Variants in EDEM3 observed in about 807,000 individuals in gnomAD.
EDEM3 encodes the protein ER degradation-enhancing alpha-mannosidase-like protein 3.
In EDEM3, 60 loss-of-function variants were observed where a neutral mutation model predicts 110.2. The observed-to-expected ratio is 0.54, with a 90% CI of 0.44 to 0.67. EDEM3 has a LOEUF of 0.67. EDEM3 is among the 30% of genes least tolerant of loss of function. The probability of loss-of-function intolerance (pLI) is 0.00; values close to 1 mark genes in which losing one functional copy is unlikely to be tolerated. For synonymous variants in EDEM3, 352 were observed against 382.9 expected, an observed-to-expected ratio of 0.92 and a Z score of 0.94; for missense variants, 996 against 1,121.0, an observed-to-expected ratio of 0.89 and a Z score of 1.59.
intron 19 of EDEM3, among the ~76,000 whole-genome samples, chr1:184,697,391 T>C (rs1185576736): frequency 6.6e-6 from 1 of 151,908 alleles, no homozygotes; most frequent in Non-Finnish European, 1.5e-5. Context: ...AAAGTTTCTA[T>C]GGAACAGCAT....
At position 184,739,141 on chromosome 1, in the gene EDEM3, G is replaced by A. The variant is rs551580154; in HGVS notation, c.205-1430C>T. Among the ~76,000 whole-genome samples the A allele has an allele frequency of 6.0e-5, 9 of 151,062 alleles. No homozygotes were observed. The East Asian group carries it at 9.7e-4, about 16-fold the overall frequency. On this transcript the variant is annotated intron_variant, in intron 2 of 19. Transcript: ENST00000318130. ...TGGGTTCATTAGTTCTAAACTTTTT[G>A]CGAACACATTTCTGTAGTATTTATT...
At chr1:184,725,429 G>C (rs2102096557) in intron 7 of EDEM3, among the ~76,000 whole-genome samples, 1 of 152,162 alleles carries the variant, frequency 6.6e-6, no homozygotes, top group Admixed American at 6.5e-5. Flanking sequence ...AAATATTAGT[G>C]AACAAGATAT....
intron 17 of EDEM3, 80 bp downstream of exon 17, chr1:184,708,073 A>G: frequency 7.9e-7 from 1 of 1,258,176 alleles, no homozygotes; most frequent in Non-Finnish European, 1.1e-6. Context: ...AAACTACTAA[A>G]TTAGAGAAGA....
At chr1:184,754,430 G>A (rs1383630254) in intron 1 of EDEM3, 59 bp downstream of exon 1, 29 of 1,603,120 alleles carry the variant, frequency 1.8e-5, no homozygotes, top group Non-Finnish European at 2.5e-5. Flanking sequence ...GCAATGACAG[G>A]CACCCCTCCT....
intron 11 of EDEM3, 48 bp downstream of exon 11, chr1:184,719,114 G>A (rs775238550): frequency 3.8e-6 from 4 of 1,047,724 alleles, no homozygotes; most frequent in Non-Finnish European, 5.6e-6. Flanking sequence ...GTGTGTGTGT[G>A]TGTGTGTTTG....
intron 16 of EDEM3, among the ~76,000 whole-genome samples, chr1:184,709,795 G>A (rs1343526738): frequency 6.6e-6 from 1 of 152,158 alleles, no homozygotes; most frequent in African/African-American, 2.4e-5. Flanking sequence ...GAGATTAAAG[G>A]ATACCTGAAT....
chr1:184,730,104 C>T (rs891673592), intron 6 of EDEM3, among the ~76,000 whole-genome samples: 6 of 152,012 alleles, frequency 3.9e-5, no homozygotes, highest in Non-Finnish European at 5.9e-5. Context: ...TATACAGTAA[C>T]GGTTAAATGA....
At chr1:184,715,949 G>T (rs116707808) in intron 13 of EDEM3, among the ~76,000 whole-genome samples, 17 of 152,246 alleles carry the variant, frequency 1.1e-4, no homozygotes, top group African/African-American at 3.9e-4. Flanking sequence ...ATGGGTAGAT[G>T]ATGAGTGCTG....
chr1:184,697,581 A>G (rs1235651429), intron 19 of EDEM3, among the ~76,000 whole-genome samples: 1 of 151,896 alleles, frequency 6.6e-6, no homozygotes, highest in Non-Finnish European at 1.5e-5. Context: ...ATATATAGCA[A>G]AGATGGTAGT....
chr1:184,736,641 C>T (rs1265899837), intron 4 of EDEM3, among the ~76,000 whole-genome samples: 1 of 152,016 alleles, frequency 6.6e-6, no homozygotes, highest in East Asian at 1.9e-4. Flanking sequence ...TGCTTATGAA[C>T]ACAGCAATAT....
chr1:184,737,754 A>C (rs1004096490), intron 2 of EDEM3, 43 bp from the exon 3 acceptor site: 2 of 1,521,204 alleles, frequency 1.3e-6, no homozygotes, highest in Non-Finnish European at 1.8e-6. Flanking sequence ...AAATAAGCGA[A>C]AGCACACATC....
intron 2 of EDEM3, among the ~76,000 whole-genome samples, chr1:184,748,305 G>A (rs1035300971): frequency 6.6e-5 from 10 of 152,022 alleles, no homozygotes; most frequent in Non-Finnish European, 1.3e-4. Context: ...AAATTAGCCA[G>A]GCATGGTGGC....
At chr1:184,738,392 C>G (rs1021650591) in intron 2 of EDEM3, among the ~76,000 whole-genome samples, 1 of 152,142 alleles carries the variant, frequency 6.6e-6, no homozygotes, top group Non-Finnish European at 1.5e-5. Context: ...AGAGTCTATC[C>G]CCTTAGCAGT....
At chr1:184,746,117 G>A (rs1218006887) in intron 2 of EDEM3, among the ~76,000 whole-genome samples, 1 of 152,176 alleles carries the variant, frequency 6.6e-6, no homozygotes. Flanking sequence ...CAGACTGACT[G>A]GGGCTAGACA....
At chr1:184,734,741 T>C in intron 4 of EDEM3, 98 bp from the exon 5 acceptor site, 1 of 386,460 alleles carries the variant, frequency 2.6e-6, no homozygotes, top group Non-Finnish European at 4.7e-6. Flanking sequence ...TTTAAAACTC[T>C]AAAAAGTGAC....
chr1:184,737,502 CTT>C, intron 3 of EDEM3, 107 bp downstream of exon 3: 1 of 930,380 alleles, frequency 1.1e-6, no homozygotes. Flanking sequence ...ATAAAACAGT[CTT>C]TAAAATTTAG....
rs550684012 is a variant in EDEM3 at position 184,748,382 on chromosome 1, G to A, written c.204+1165C>T. On this transcript the variant is annotated intron_variant, in intron 2 of 19. Transcript: ENST00000318130. ...GAATCACTTGAACCTGGGAGGTGGT[G>A]GCTGCAGTGAGCTGAGATAGTGCCG... is the stretch of plus-strand genomic sequence containing the variant. Among the ~76,000 whole-genome samples the A allele has an allele frequency of 2.0e-4, 31 of 152,020 alleles. 1 individual carries two copies. Among genetic ancestry groups the A allele is most frequent in the Admixed American group, 2.0e-3 (30 of 15,264 alleles).
rs1347169579 is a variant in EDEM3 at position 184,754,560 on chromosome 1, G to A, written c.87C>T (p.Cys29=). Residue 29 remains cysteine, a synonymous_variant, in exon 1 of 20, where the codon TGC becomes TGT. Coordinates refer to ENST00000318130, the MANE Select transcript of EDEM3 (RefSeq NM_025191.4). ...TCCACACGGAGGTGGCCGACACCAG[G>A]CAGAACGCGGCCGTCGCCGCCACTA... ...WRLVAATAAF[C]LVSATSVWTA... is the part of the protein sequence containing the mutation. The A allele has an allele frequency of 3.1e-6, 5 of 1,611,742 alleles. No individual in the cohort carries two copies. The highest frequency in any genetic ancestry group is 4.2e-6 in the Non-Finnish European group (5 of 1,179,534).
chr1:184,723,137 T>C (rs1480323772), intron 8 of EDEM3, among the ~76,000 whole-genome samples: 2 of 152,006 alleles, frequency 1.3e-5, no homozygotes, highest in African/African-American at 4.8e-5. Context: ...GAAGTAAAAT[T>C]ATTAATCAAA....
Sources: allele counts gnomAD v4.1 joint callset (sites outside exome capture counted in the v4.1 genomes callset), GRCh38; gene constraint gnomAD v4.1.1; transcripts MANE v1.5; gene names NCBI Gene and HGNC (gene_info 2026-07-23, HGNC 2026-07-21).